VPS51: variants seen among roughly 807,000 people sequenced by gnomAD.
VPS51 encodes the protein vacuolar protein sorting-associated protein 51 homolog.
In VPS51, 55 loss-of-function variants were observed where a neutral mutation model predicts 65.1. The ratio of observed to expected loss-of-function variants is 0.84; its 90% confidence interval spans 0.68 to 1.06. The LOEUF (loss-of-function observed/expected upper bound fraction) is 1.06, where lower values mean the gene tolerates loss of function less well. Among genes scored for constraint, VPS51 ranks in the 50% least tolerant of loss-of-function variants. The pLI, the probability that VPS51 is intolerant of heterozygous loss-of-function variation, is 0.00. For synonymous variants in VPS51, 473 were observed against 489.5 expected, an observed-to-expected ratio of 0.97 and a Z score of 0.44; for missense variants, 943 against 1,101.6, an observed-to-expected ratio of 0.86 and a Z score of 2.04.
intron 7 of VPS51, chr11:65,110,141 G>C: frequency 1.6e-6 from 1 of 631,218 alleles, no homozygotes; most frequent in Non-Finnish European, 2.7e-6. Flanking sequence ...GCTGGGGAGT[G>C]CCTATGTCCA....
intron 2 of VPS51, among the ~76,000 whole-genome samples, chr11:65,105,807 G>C (rs1415875258): frequency 3.3e-5 from 5 of 152,186 alleles, no homozygotes; most frequent in Admixed American, 3.3e-4. Flanking sequence ...CCCTCTTTGG[G>C]CTCAGTTTGC....
At position 65,108,456 on chromosome 11, in the gene VPS51, C is replaced by G; in HGVS notation, c.985C>G (p.Gln329Glu). The G allele has an allele frequency of 6.2e-7, 1 of 1,610,450 alleles. No individual in the cohort carries two copies. Among genetic ancestry groups the G allele is most frequent in the African/African-American group, 1.3e-5 (1 of 75,016 alleles). Reference sequence around the variant, plus strand: ...GGCCTACCAGGAGCTGTTTGCGGCCCAGGGCCCAGCAGGTGCCGAGAAGCT... The same window carrying G: ...GGCCTACCAGGAGCTGTTTGCGGCCGAGGGCCCAGCAGGTGCCGAGAAGCT... ...AAAYQELFAA[Q>E]GPAGAEKLAA... Residue 329 changes from glutamine to glutamate, a missense_variant, in exon 5 of 10, where the codon CAG becomes GAG. Physicochemically the swap from Gln to Glu is conservative, Grantham distance 29. Coordinates refer to ENST00000279281, the MANE Select transcript of VPS51 (RefSeq NM_013265.4).
chr11:65,098,795 T>A (rs1246986005), intron 2 of VPS51, among the ~76,000 whole-genome samples: 1 of 152,244 alleles, frequency 6.6e-6, no homozygotes, highest in African/African-American at 2.4e-5. Flanking sequence ...TTGGAATGTG[T>A]ATAATAATAT....
chr11:65,102,446 C>T (rs1383274477), intron 2 of VPS51, among the ~76,000 whole-genome samples: 2 of 152,176 alleles, frequency 1.3e-5, no homozygotes, highest in South Asian at 2.1e-4. Context: ...GGGAAGGCAG[C>T]GACAATGACA....
Position 65,109,765 on chromosome 11 carries a change from C to T in VPS51, c.1720C>T (p.Arg574Trp), listed in dbSNP as rs753757252. 13 of 1,599,932 alleles carry T rather than the reference C, an allele frequency of 8.1e-6. No individual in the cohort carries two copies. In the Admixed American group the frequency reaches 8.7e-5, roughly 11 times the overall value. The change falls in exon 7 of 10, where the codon CGG becomes TGG. Residue 574 changes from arginine (R) to tryptophan (W), a missense_variant. Coordinates refer to ENST00000279281, the MANE Select transcript of VPS51 (RefSeq NM_013265.4). Reference sequence around the variant, plus strand: ...TGCAGAGGCCAGGGAAACGGCGCGGCGGCTGCTGACCCACTACGTGAAGGT... The same window carrying T: ...TGCAGAGGCCAGGGAAACGGCGCGGTGGCTGCTGACCCACTACGTGAAGGT... ...LCAEARETARRLLTHYVKVQG... is the reference protein window; with the variant it reads ...LCAEARETARWLLTHYVKVQG...
Position 65,110,721 on chromosome 11 carries a change from C to T in VPS51, c.2028C>T (p.Ser676=). Residue 676 remains serine (S), a synonymous_variant, in exon 9 of 10, where the codon AGC becomes AGT. Transcript: ENST00000279281. ...CCCCGATGGACACCAACCTCTTGAG[C>T]AATATCCAGAAGCTATTCTCTGAAC... The part of the protein sequence containing the change: ...PSAPMDTNLL[S]NIQKLFSERI... The T allele has an allele frequency of 6.2e-7, 1 of 1,614,162 alleles. No homozygotes were observed. Among genetic ancestry groups the T allele is most frequent in the Non-Finnish European group, 8.5e-7 (1 of 1,180,022 alleles).
Position 65,111,286 on chromosome 11 carries a change from C to T in VPS51, c.2089-41C>T, listed in dbSNP as rs745379257. ...GGAACTTGGGTGTCCCCCACACACACCTGCAGTCCCCAAGCTGCATCCCTG... is the reference window on the plus strand; with the variant it reads ...GGAACTTGGGTGTCCCCCACACACATCTGCAGTCCCCAAGCTGCATCCCTG... On this transcript the variant is annotated intron_variant, in intron 9 of 9. Transcript: ENST00000279281. 5.0e-6 allele frequency: 8 copies of T among 1,598,682 alleles called. No homozygotes were observed. In the Admixed American group the frequency reaches 1.3e-4, roughly 27 times the overall value.
intron 2 of VPS51, among the ~76,000 whole-genome samples, chr11:65,104,997 C>A (rs1193407086): frequency 6.6e-6 from 1 of 152,214 alleles, no homozygotes; most frequent in Non-Finnish European, 1.5e-5. Context: ...TTATCCATTT[C>A]ATCCATAGAA....
At chr11:65,106,388 G>A (rs1449563545) in intron 2 of VPS51, among the ~76,000 whole-genome samples, 1 of 152,236 alleles carries the variant, frequency 6.6e-6, no homozygotes, top group African/African-American at 2.4e-5. Context: ...TGAAAGAGAA[G>A]CAAGGCATCT....
intron 2 of VPS51, among the ~76,000 whole-genome samples, chr11:65,100,057 C>T (rs1228070347): frequency 3.9e-5 from 6 of 151,984 alleles, no homozygotes; most frequent in African/African-American, 1.4e-4. Context: ...GAGTCGAGAT[C>T]GCGCCACTGC....
At chr11:65,104,159 C>T (rs751690804) in intron 2 of VPS51, among the ~76,000 whole-genome samples, 5 of 152,264 alleles carry the variant, frequency 3.3e-5, no homozygotes, top group East Asian at 3.9e-4. Context: ...AAACTCCTGA[C>T]GTCAAGTGAT....
At position 65,096,487 on chromosome 11, in the gene VPS51, G is replaced by A; in HGVS notation, c.228+9G>A. On this transcript the variant is annotated intron_variant, in intron 1 of 9. Transcript: ENST00000279281. ...AAGTTTACCTAGACAAGGTGTGTGC[G>A]CACGGGGAGTGGGGGGGTGCGGGGA... 1.0e-6 allele frequency: 1 copy of A among 989,506 alleles called. No homozygotes were observed. The highest frequency in any genetic ancestry group is 1.4e-6 in the Non-Finnish European group (1 of 708,994). The allele number at this position is 989,506 out of a possible 1,614,324, so 61.3% of individuals were successfully genotyped here.
At chr11:65,097,191 A>G in intron 2 of VPS51, 64 bp downstream of exon 2, 2 of 1,604,284 alleles carry the variant, frequency 1.2e-6, no homozygotes, top group East Asian at 4.5e-5. Context: ...CTGTGTTGGG[A>G]AAACCAGCAA....
intron 2 of VPS51, among the ~76,000 whole-genome samples, chr11:65,104,156 T>C (rs1387414875): frequency 6.6e-6 from 1 of 152,220 alleles, no homozygotes; most frequent in Non-Finnish European, 1.5e-5. Context: ...CTCAAACTCC[T>C]GACGTCAAGT....
intron 1 of VPS51, 27 bp downstream of exon 1, chr11:65,096,505 T>TGGGG: frequency 2.7e-6 from 1 of 371,834 alleles, no homozygotes; most frequent in Non-Finnish European, 4.6e-6. Flanking sequence ...AGTGGGGGGG[T>TGGGG]GCGGGGAGGG....
intron 7 of VPS51, 80 bp downstream of exon 7, chr11:65,110,003 A>T (rs1259870868): frequency 7.1e-7 from 1 of 1,410,610 alleles, no homozygotes; most frequent in Non-Finnish European, 9.6e-7. Flanking sequence ...GCAGCAGAGG[A>T]TCACTGGCAG....
Position 65,096,497 on chromosome 11 carries a change from T to TGTG in VPS51, c.228+20_228+21insTGG. 1 of 628,492 alleles carries TGTG rather than the reference T, an allele frequency of 1.6e-6. No homozygotes were observed. The highest frequency in any genetic ancestry group is 2.4e-6 in the Non-Finnish European group (1 of 409,812). The allele number at this position is 628,492 out of a possible 1,614,324, so 38.9% of individuals were successfully genotyped here. On this transcript the variant is annotated intron_variant, in intron 1 of 9. Coordinates refer to ENST00000279281, the MANE Select transcript of VPS51 (RefSeq NM_013265.4). The stretch of plus-strand genomic sequence containing the variant: ...AGACAAGGTGTGTGCGCACGGGGAG[T>TGTG]GGGGGGGTGCGGGGAGGGGGGAAGG...
intron 2 of VPS51, 94 bp downstream of exon 2, chr11:65,097,221 C>T: frequency 6.5e-7 from 1 of 1,546,742 alleles, no homozygotes; most frequent in Non-Finnish European, 8.8e-7. Context: ...AGGGGGGAGA[C>T]TCAGATTCCA....
At chr11:65,109,095 G>A in intron 5 of VPS51, 181 bp downstream of exon 5, 1 of 1,013,590 alleles carries the variant, frequency 9.9e-7, no homozygotes, top group Non-Finnish European at 1.4e-6. Context: ...AGCAGGGCAT[G>A]GTGGGGTCCC....
Sources: gnomAD v4.1 joint callset for allele counts (sites outside exome capture counted in the v4.1 genomes callset) on GRCh38, gnomAD v4.1.1 for gene constraint, MANE v1.5 for transcripts, NCBI Gene and HGNC (gene_info 2026-07-23, HGNC 2026-07-21) for gene names.